Variants in GRIK4 observed in about 807,000 individuals in gnomAD.
GRIK4 encodes glutamate ionotropic receptor kainate type subunit 4.
GRIK4 carries 40 observed loss-of-function variants against 104.9 expected under a neutral mutation model. The ratio of observed to expected loss-of-function variants is 0.38; its 90% CI spans 0.30 to 0.50. The LOEUF (loss-of-function observed/expected upper bound fraction) is 0.50. Among genes scored for constraint, GRIK4 ranks in the 20% least tolerant of loss-of-function variants. The pLI, the probability that GRIK4 is intolerant of heterozygous loss-of-function variation, is 0.93. For missense variants in GRIK4, 1,047 were observed against 1,308.1 expected (o/e 0.80, Z 3.08); for synonymous variants, 485 against 524.9 (o/e 0.92, Z 1.04).
rs1181678684 is a variant in GRIK4, at chr11:120,580,260, TCTTTCTTTC to T, written c.-159+68383_-159+68391del. Among the ~76,000 whole-genome samples the T allele has an allele frequency of 2.5e-3, 345 of 139,758 alleles. 3 individuals carry two copies. The highest frequency in any genetic ancestry group is 0.011 in the African/African-American group (328 of 30,500). 91.7% of individuals were successfully genotyped at this position (139,758 alleles called of 152,430 possible). A position where few individuals can be genotyped will look rare whatever the true frequency, so the allele number is the denominator to read the frequency against. On this transcript the variant is annotated intron_variant, in intron 1 of 20. Coordinates refer to ENST00000527524, the MANE Select transcript of GRIK4 (RefSeq NM_014619.5). ...CTTTCTTTCTTTCTTTCTTTTTCTTTCTTTCTTTCCTTTCTTTCTTTATTTATTTTTTTG... is the reference window on the plus strand; with the variant it reads ...CTTTCTTTCTTTCTTTCTTTTTCTTTCTTTCTTTCTTTATTTATTTTTTTG...
intron 1 of GRIK4, among the ~76,000 whole-genome samples, chr11:120,570,996 T>G (rs969719453): frequency 6.6e-6 from 1 of 152,322 alleles, no homozygotes; most frequent in African/African-American, 2.4e-5. Context: ...CAATAGCCTC[T>G]CAGAATGATT....
At chr11:120,846,860 C>T (rs886649816) in intron 8 of GRIK4, among the ~76,000 whole-genome samples, 2 of 152,112 alleles carry the variant, frequency 1.3e-5, no homozygotes, top group African/African-American at 2.4e-5. Context: ...CAGATGAAAT[C>T]GGCCACCCTC....
rs891439592 is a variant in GRIK4, at chr11:120,988,277, G to A, written c.*2017G>A. 1 of 152,060 alleles carries A rather than the reference G, an allele frequency of 6.6e-6. No individual in the cohort carries two copies. Among genetic ancestry groups the A allele is most frequent in the Non-Finnish European group, 1.5e-5 (1 of 68,040 alleles). 9.4% of individuals were successfully genotyped at this position (152,060 alleles called of 1,614,324 possible). A position where few individuals can be genotyped will look rare whatever the true frequency, so the allele number is the denominator to read the frequency against. On this transcript the variant is annotated 3_prime_UTR_variant, in exon 21 of 21. Coordinates refer to ENST00000527524, the MANE Select transcript of GRIK4 (RefSeq NM_014619.5). ...CTTGCCTTGATCCTCGTGGAGAAACGTGGATTTGGTGGGAAGGGCACCCGA... is the reference window on the plus strand; with the variant it reads ...CTTGCCTTGATCCTCGTGGAGAAACATGGATTTGGTGGGAAGGGCACCCGA...
intron 16 of GRIK4, 28 bp from the exon 17 acceptor site, chr11:120,960,878 AATG>A (rs1434250202): frequency 6.3e-7 from 1 of 1,595,926 alleles, no homozygotes; most frequent in Non-Finnish European, 8.6e-7. Context: ...GTGCCCGGGC[AATG>A]ATGACTTCCT....
At chr11:120,522,416 G>C (rs1947806744) in intron 1 of GRIK4, among the ~76,000 whole-genome samples, 1 of 152,144 alleles carries the variant, frequency 6.6e-6, no homozygotes. Flanking sequence ...CCACCTTCCG[G>C]GTTCGAGCGA....
intron 13 of GRIK4, among the ~76,000 whole-genome samples, chr11:120,909,093 C>T (rs1942936178): frequency 6.6e-6 from 1 of 152,236 alleles, no homozygotes; most frequent in African/African-American, 2.4e-5. Context: ...ACACCATGGG[C>T]CGGGCCAGGC....
intron 12 of GRIK4, among the ~76,000 whole-genome samples, chr11:120,899,328 C>T (rs529088721): frequency 4.7e-5 from 7 of 148,282 alleles, no homozygotes; most frequent in East Asian, 2.0e-4. Context: ...GGCTGAGGCA[C>T]GAGAATCACT....
rs543463349 is a variant in GRIK4 at position 120,641,373 on chromosome 11, T to TA, written c.-158-12299dup. On this transcript the variant is annotated intron_variant, in intron 1 of 20. Transcript: ENST00000527524. ...ATATAGTAAATTGAACTGTAAAAGT[T>TA]AAAAAAAAAAAAACAACTAAAGGAA... Among the ~76,000 whole-genome samples, 1,008 of 139,358 alleles carry TA rather than the reference T, an allele frequency of 7.2e-3. 4 individuals are homozygous for TA. Among genetic ancestry groups the TA allele is most frequent in the South Asian group, 0.027 (117 of 4,364 alleles). The allele number at this position is 139,358 out of a possible 152,430, so 91.4% of individuals were successfully genotyped here.
At position 120,593,081 on chromosome 11, in the gene GRIK4, G is replaced by A. The variant is rs575386264; in HGVS notation, c.-158-60604G>A. ...TCCTGTAATCCCACCTACTCAGGAG[G>A]CTGAGGTGGGAGAATCGCTTGAACC... is the stretch of plus-strand genomic sequence containing the variant. On this transcript the variant is annotated intron_variant, in intron 1 of 20. Coordinates refer to ENST00000527524, the MANE Select transcript of GRIK4 (RefSeq NM_014619.5). Among the ~76,000 whole-genome samples, 747 of 151,928 alleles carry A rather than the reference G, an allele frequency of 4.9e-3. 2 individuals are homozygous for A. The highest frequency in any genetic ancestry group is 8.2e-3 in the Non-Finnish European group (556 of 67,972).
At chr11:120,606,415 C>T (rs942778301) in intron 1 of GRIK4, among the ~76,000 whole-genome samples, 5 of 152,150 alleles carry the variant, frequency 3.3e-5, no homozygotes, top group African/African-American at 9.7e-5. Flanking sequence ...GCGCTGTAAA[C>T]ATTTGTGGAA....
At chr11:120,630,914 C>T (rs143545469) in intron 1 of GRIK4, among the ~76,000 whole-genome samples, 326 of 152,230 alleles carry the variant, frequency 2.1e-3, no homozygotes, top group African/African-American at 7.4e-3. Context: ...TGTACCTGGG[C>T]GATCTCTGGG....
At chr11:120,949,906 T>A (rs7105874) in intron 14 of GRIK4, among the ~76,000 whole-genome samples, 3 of 152,050 alleles carry the variant, frequency 2.0e-5, no homozygotes, top group African/African-American at 7.3e-5. Context: ...TAGTGAAGCA[T>A]TTTTAGTTCT....
At chr11:120,981,326 A>G (rs1944648516) in intron 19 of GRIK4, among the ~76,000 whole-genome samples, 1 of 152,258 alleles carries the variant, frequency 6.6e-6, no homozygotes, top group Non-Finnish European at 1.5e-5. Context: ...CAATGAGGAC[A>G]TGACCAGAAA....
At chr11:120,783,283 A>G (rs570331251) in intron 3 of GRIK4, among the ~76,000 whole-genome samples, 2 of 152,266 alleles carry the variant, frequency 1.3e-5, no homozygotes, top group Admixed American at 1.3e-4. Flanking sequence ...TTCCTCTGAG[A>G]ATGTGCGTGC....
intron 1 of GRIK4, among the ~76,000 whole-genome samples, chr11:120,525,637 C>T (rs894461788): frequency 1.3e-5 from 2 of 152,196 alleles, no homozygotes; most frequent in East Asian, 3.9e-4. Flanking sequence ...GTGCTACGTC[C>T]CCGTGTCTAG....
chr11:120,830,308 T>G (rs879893719), intron 6 of GRIK4, among the ~76,000 whole-genome samples: 1 of 152,034 alleles, frequency 6.6e-6, no homozygotes, highest in Non-Finnish European at 1.5e-5. Context: ...GAGTTTGTCC[T>G]CCGAGGCAGC....
At chr11:120,784,022 C>G (rs938017353) in intron 3 of GRIK4, among the ~76,000 whole-genome samples, 35 of 152,150 alleles carry the variant, frequency 2.3e-4, no homozygotes, top group Admixed American at 1.3e-4. Flanking sequence ...GGGTTCACAC[C>G]CACATCCTAG....
intron 13 of GRIK4, among the ~76,000 whole-genome samples, chr11:120,922,036 C>T (rs1022149020): frequency 6.6e-6 from 1 of 152,148 alleles, no homozygotes; most frequent in Non-Finnish European, 1.5e-5. Flanking sequence ...GACTTCGGAG[C>T]CACCTCACCC....
At chr11:120,911,203 CT>C (rs1211836110) in intron 13 of GRIK4, among the ~76,000 whole-genome samples, 1 of 150,638 alleles carries the variant, frequency 6.6e-6, no homozygotes, top group Non-Finnish European at 1.5e-5. Flanking sequence ...CCAAAAGTAG[CT>C]TGGGAGTTAG....
Sources: gnomAD v4.1 joint callset for allele counts (sites outside exome capture counted in the v4.1 genomes callset) on GRCh38, gnomAD v4.1.1 for gene constraint, MANE v1.5 for transcripts, NCBI Gene and HGNC (gene_info 2026-07-23, HGNC 2026-07-21) for gene names.